Variants in NRG3 observed in about 807,000 individuals in gnomAD.
NRG3 encodes the protein pro-neuregulin-3, membrane-bound isoform.
NRG3 carries 31 observed loss-of-function variants against 66.9 expected under a neutral mutation model. The ratio of observed to expected loss-of-function variants is 0.46; its 90% CI spans 0.35 to 0.63. The LOEUF (loss-of-function observed/expected upper bound fraction) is 0.63. Ranked by LOEUF, NRG3 falls within the 20% of genes least tolerant of loss-of-function variation. NRG3 has a pLI of 0.00. For synonymous variants in NRG3, 393 were observed against 359.4 expected, an observed-to-expected ratio of 1.09 and a Z score of -1.06; for missense variants, 910 against 878.9, an observed-to-expected ratio of 1.04 and a Z score of -0.45.
chr10:82,522,406 A>G (rs899652610), intron 2 of NRG3, among the ~76,000 whole-genome samples: 8 of 152,110 alleles, frequency 5.3e-5, no homozygotes, highest in Non-Finnish European at 2.9e-5. Flanking sequence ...TTGCACCACA[A>G]TATGTATTGT....
Position 81,875,934 on chromosome 10 carries a change from C to G in NRG3, c.594C>G (p.Ala198=). ...AAPATVPSTT[A]PFFSSSTLGS... ...CTGCGACGGTCCCGTCCACCACGGC[C>G]CCGTTCTTCAGTAGCAGCACGCTGG... is the stretch of plus-strand genomic sequence containing the variant. Residue 198 remains alanine, a synonymous_variant, in exon 1 of 9, where the codon GCC becomes GCG. Transcript: ENST00000372141. The surrounding 1 kb of genome is among the most constrained non-coding windows in gnomAD (Gnocchi z 5.3). 4 of 1,613,710 alleles carry G rather than the reference C, an allele frequency of 2.5e-6. No individual in the cohort carries two copies. Among genetic ancestry groups the G allele is most frequent in the Non-Finnish European group, 3.4e-6 (4 of 1,180,012 alleles).
intron 6 of NRG3, among the ~76,000 whole-genome samples, chr10:82,973,039 A>G (rs893989775): frequency 7.2e-5 from 11 of 152,188 alleles, no homozygotes; most frequent in African/African-American, 2.4e-4. Context: ...TGGAGTTTCT[A>G]GAAGAGAACT....
intron 2 of NRG3, among the ~76,000 whole-genome samples, chr10:82,600,402 CT>C (rs1260356639): frequency 2.6e-5 from 4 of 151,956 alleles, no homozygotes; most frequent in Non-Finnish European, 5.9e-5. Flanking sequence ...TATTATAGTC[CT>C]TTTTTTGGAA....
intron 2 of NRG3, among the ~76,000 whole-genome samples, chr10:82,509,987 G>T (rs1845026464): frequency 6.6e-6 from 1 of 151,994 alleles, no homozygotes; most frequent in African/African-American, 2.4e-5. Flanking sequence ...ACTTCTCCCT[G>T]CACTTCCCTC....
chr10:82,963,337 A>G (rs1390501431), intron 6 of NRG3, among the ~76,000 whole-genome samples: 1 of 152,228 alleles, frequency 6.6e-6, no homozygotes, highest in Non-Finnish European at 1.5e-5. Context: ...CAGCAGTTAC[A>G]AGTGGGTTTT....
intron 4 of NRG3, among the ~76,000 whole-genome samples, chr10:82,950,195 G>A (rs970784485): frequency 6.6e-6 from 1 of 152,180 alleles, no homozygotes; most frequent in African/African-American, 2.4e-5. Flanking sequence ...ATTGTTCTAT[G>A]TTAATGACAC....
intron 2 of NRG3, among the ~76,000 whole-genome samples, chr10:82,735,836 T>A (rs2058128602): frequency 6.6e-6 from 1 of 152,070 alleles, no homozygotes; most frequent in African/African-American, 2.4e-5. Context: ...GTCGGGTTGG[T>A]GGGTGCAGCA....
At chr10:82,643,159 C>T (rs1000031899) in intron 2 of NRG3, among the ~76,000 whole-genome samples, 6 of 152,064 alleles carry the variant, frequency 3.9e-5, no homozygotes, top group African/African-American at 1.2e-4. Flanking sequence ...GTGTCCCCAT[C>T]CAAATCTCAT....
intron 1 of NRG3, among the ~76,000 whole-genome samples, chr10:81,904,031 C>T (rs777151816): frequency 2.7e-5 from 4 of 148,110 alleles, no homozygotes; most frequent in Admixed American, 1.4e-4. Flanking sequence ...GTTTTGGAGA[C>T]GAAGTTTCAC....
chr10:82,778,952 C>G (rs1448692192), intron 3 of NRG3, among the ~76,000 whole-genome samples: 1 of 152,028 alleles, frequency 6.6e-6, no homozygotes, highest in Non-Finnish European at 1.5e-5. Flanking sequence ...GAAGGAGCTG[C>G]AGCAGTTTAA....
At chr10:82,441,817 T>A (rs1400424724) in intron 2 of NRG3, among the ~76,000 whole-genome samples, 2 of 152,184 alleles carry the variant, frequency 1.3e-5, no homozygotes, top group Admixed American at 1.3e-4. Context: ...TGGTGACCAA[T>A]CACCAGTCAG....
intron 3 of NRG3, among the ~76,000 whole-genome samples, chr10:82,862,418 CA>C (rs2064178230): frequency 6.6e-6 from 1 of 152,132 alleles, no homozygotes; most frequent in Non-Finnish European, 1.5e-5. Flanking sequence ...ATTTTAATAT[CA>C]AAAAACACCC....
intron 2 of NRG3, among the ~76,000 whole-genome samples, chr10:82,580,246 T>C (rs1325792406): frequency 6.6e-6 from 1 of 152,000 alleles, no homozygotes; most frequent in Admixed American, 6.6e-5. Flanking sequence ...AATATGTAAA[T>C]ATCTTTTTGA....
chr10:82,576,311 A>G (rs772796061), intron 2 of NRG3, among the ~76,000 whole-genome samples: 3 of 151,442 alleles, frequency 2.0e-5, no homozygotes, highest in African/African-American at 4.8e-5. Context: ...TTCTGTACAT[A>G]CTTTTCCCCC....
At chr10:82,701,570 T>G (rs1436925312) in intron 2 of NRG3, among the ~76,000 whole-genome samples, 2 of 152,206 alleles carry the variant, frequency 1.3e-5, no homozygotes, top group African/African-American at 4.8e-5. Flanking sequence ...TTCAACGTAC[T>G]TAGAACAGTT....
rs544726910 is a variant in NRG3 at position 82,788,059 on chromosome 10, A to G, written c.1027+49409A>G. Among the ~76,000 whole-genome samples the G allele has an allele frequency of 1.1e-3, 173 of 152,308 alleles. 1 individual carries two copies. Among genetic ancestry groups the G allele is most frequent in the African/African-American group, 3.3e-3 (137 of 41,582 alleles). Reference sequence around the variant, plus strand: ...TGAGAGAAATTTTGAAAGCTGCTCAATTAAAAGCAACTGTACTTCATATAT... The same window carrying G: ...TGAGAGAAATTTTGAAAGCTGCTCAGTTAAAAGCAACTGTACTTCATATAT... On this transcript the variant is annotated intron_variant, in intron 3 of 8. Coordinates refer to ENST00000372141, the MANE Select transcript of NRG3 (RefSeq NM_001010848.4).
chr10:81,983,857 A>G (rs2060425009), intron 1 of NRG3, among the ~76,000 whole-genome samples: 1 of 152,206 alleles, frequency 6.6e-6, no homozygotes. Context: ...AAACTTGTGA[A>G]TGTTTCCTTT....
chr10:82,112,139 G>A (rs1373288730), intron 1 of NRG3, among the ~76,000 whole-genome samples: 6 of 152,110 alleles, frequency 3.9e-5, no homozygotes, highest in African/African-American at 1.4e-4. Flanking sequence ...AGCTACTCAG[G>A]AGGCTGGTGC....
chr10:82,302,503 A>C (rs952176802), intron 1 of NRG3, among the ~76,000 whole-genome samples: 2 of 152,098 alleles, frequency 1.3e-5, no homozygotes, highest in South Asian at 2.1e-4. Context: ...ACTATAATGC[A>C]TACATTTTGT....
Sources: gnomAD v4.1 joint callset for allele counts (sites outside exome capture counted in the v4.1 genomes callset) on GRCh38, gnomAD v4.1.1 for gene constraint, Gnocchi (gnomAD v3.1) non-coding constraint, MANE v1.5 for transcripts, NCBI Gene and HGNC (gene_info 2026-07-23, HGNC 2026-07-21) for gene names.